The following PPM1E variants were observed in gnomAD, a reference collection of about 807,000 sequenced individuals.
The protein encoded by PPM1E is protein phosphatase 1E.
In PPM1E, 20 loss-of-function variants were observed where a neutral mutation model predicts 65.9. That is an observed-to-expected ratio of 0.30 (90% CI 0.21 to 0.44). PPM1E has a LOEUF of 0.44. Ranked by LOEUF, PPM1E falls within the 20% of genes least tolerant of loss-of-function variation. The pLI, the probability that PPM1E is intolerant of heterozygous loss-of-function variation, is 1.00. For synonymous variants in PPM1E, 352 were observed against 374.9 expected (o/e 0.94, Z 0.70); for missense variants, 713 against 953.1 (o/e 0.75, Z 3.32).
intron 1 of PPM1E, among the ~76,000 whole-genome samples, chr17:58,912,738 T>C (rs1588322): frequency 0.64 from 96,923 of 152,054 alleles, 31,284 homozygotes; most frequent in African/African-American, 0.71. Context: ...GCCAGGAGAA[T>C]GGACCATGTG....
chr17:58,788,532 G>A (rs556095589), intron 1 of PPM1E, among the ~76,000 whole-genome samples: 1 of 152,310 alleles, frequency 6.6e-6, no homozygotes, highest in African/African-American at 2.4e-5. Flanking sequence ...TTTATGAAAT[G>A]CCAATTCCCT....
intron 4 of PPM1E, among the ~76,000 whole-genome samples, chr17:58,971,786 TG>T (rs1449235804): frequency 4.6e-5 from 7 of 152,234 alleles, no homozygotes; most frequent in Non-Finnish European, 1.0e-4. Context: ...ATTTAGTGCT[TG>T]ACTGGGAGGA....
chr17:58,909,924 CTTTTT>C (rs35833275), intron 1 of PPM1E, among the ~76,000 whole-genome samples: 1 of 90,036 alleles, frequency 1.1e-5, no homozygotes, highest in Non-Finnish European at 2.1e-5. Flanking sequence ...TTTTCTTTTT[CTTTTT>C]TTTTTTTTTT....
At chr17:58,933,399 A>T (rs1205443904) in intron 1 of PPM1E, among the ~76,000 whole-genome samples, 1 of 152,222 alleles carries the variant, frequency 6.6e-6, no homozygotes, top group Non-Finnish European at 1.5e-5. Context: ...TAAAGCAAGA[A>T]ATCGGAAACA....
At position 58,926,993 on chromosome 17, in the gene PPM1E, T is replaced by C. The variant is rs547787291; in HGVS notation, c.465-28656T>C. 2.6e-5 allele frequency among the ~76,000 whole-genome samples: 4 copies of C among 152,282 alleles called. No individual in the cohort carries two copies. In the South Asian group the frequency reaches 8.3e-4, roughly 32 times the overall value. On this transcript the variant is annotated intron_variant, in intron 1 of 6. Coordinates refer to ENST00000308249, the MANE Select transcript of PPM1E (RefSeq NM_014906.5). ...CTAACATTGAATTCAGACTTTGTGT[T>C]ATTTTAACTCACAATTTATTTTTTT...
At chr17:58,930,005 C>T (rs73993820) in intron 1 of PPM1E, among the ~76,000 whole-genome samples, 283 of 152,258 alleles carry the variant, frequency 1.9e-3, no homozygotes, top group African/African-American at 6.6e-3. Context: ...CCTGCTATCT[C>T]TGTTTTGAAA....
chr17:58,927,399 G>A (rs1251300569), intron 1 of PPM1E, among the ~76,000 whole-genome samples: 1 of 151,682 alleles, frequency 6.6e-6, no homozygotes, highest in African/African-American at 2.4e-5. Context: ...CAAAGTGCTG[G>A]GATTACAGGC....
intron 1 of PPM1E, among the ~76,000 whole-genome samples, chr17:58,870,818 A>G (rs1371931242): frequency 2.0e-5 from 3 of 152,128 alleles, no homozygotes; most frequent in Non-Finnish European, 4.4e-5. Context: ...TTCAGGAGGA[A>G]TACTTGGTTT....
At chr17:58,778,402 C>CTTTTT in intron 1 of PPM1E, among the ~76,000 whole-genome samples, 1 of 86,058 alleles carries the variant, frequency 1.2e-5, no homozygotes, top group South Asian at 3.8e-4. Context: ...GGCTGGCCAT[C>CTTTTT]TTTTTTTTTT....
rs560462658 is a variant in PPM1E at position 58,755,863 on chromosome 17, C to T, written c.-135C>T. The T allele has an allele frequency of 4.9e-6, 7 of 1,435,576 alleles. No homozygotes were observed. Among genetic ancestry groups the T allele is most frequent in the Non-Finnish European group, 6.4e-6 (7 of 1,094,910 alleles). 88.9% of individuals were successfully genotyped at this position (1,435,576 alleles called of 1,614,324 possible). A position where few individuals can be genotyped will look rare whatever the true frequency, so the allele number is the denominator to read the frequency against. On this transcript the variant is annotated 5_prime_UTR_variant, in exon 1 of 7. Transcript: ENST00000308249. ...CACGCCTGCGGGAGCCCTCTCCAGG[C>T]AACCTAGTGCTGATCGCTCGTGCCG...
intron 1 of PPM1E, among the ~76,000 whole-genome samples, chr17:58,853,647 G>A (rs2050851747): frequency 1.3e-5 from 2 of 152,150 alleles, no homozygotes; most frequent in South Asian, 4.1e-4. Context: ...GGCCAACATG[G>A]TGAAATGCCA....
chr17:58,909,178 A>G (rs942625442), intron 1 of PPM1E, among the ~76,000 whole-genome samples: 1 of 151,962 alleles, frequency 6.6e-6, no homozygotes, highest in African/African-American at 2.4e-5. Flanking sequence ...AGGCAGGTCT[A>G]CTAGGAACAA....
chr17:58,970,372 C>A (rs1450786582), intron 4 of PPM1E, among the ~76,000 whole-genome samples: 1 of 152,074 alleles, frequency 6.6e-6, no homozygotes, highest in Non-Finnish European at 1.5e-5. Context: ...AATTATCGTT[C>A]TGGGTATTGG....
At chr17:58,890,549 G>C (rs2051332276) in intron 1 of PPM1E, among the ~76,000 whole-genome samples, 1 of 152,088 alleles carries the variant, frequency 6.6e-6, no homozygotes, top group Non-Finnish European at 1.5e-5. Context: ...TGACTTAGGG[G>C]TTACAAATAA....
intron 1 of PPM1E, among the ~76,000 whole-genome samples, chr17:58,817,831 A>C (rs978174936): frequency 6.6e-6 from 1 of 151,722 alleles, no homozygotes; most frequent in Non-Finnish European, 1.5e-5. Context: ...CGCTCACTGC[A>C]AGCTCCGCCT....
intron 1 of PPM1E, among the ~76,000 whole-genome samples, chr17:58,775,993 G>A (rs1265940358): frequency 6.7e-6 from 1 of 149,616 alleles, no homozygotes; most frequent in Non-Finnish European, 1.5e-5. Flanking sequence ...CCCATTTTTG[G>A]TGTTTGTGAT....
At chr17:58,899,467 G>T in intron 1 of PPM1E, 1 of 225,550 alleles carries the variant, frequency 4.4e-6, no homozygotes, top group Admixed American at 4.0e-5. Context: ...ATCCATGTGT[G>T]ATGAGCCTGT....
At chr17:58,892,333 G>T (rs2051358040) in intron 1 of PPM1E, among the ~76,000 whole-genome samples, 1 of 152,102 alleles carries the variant, frequency 6.6e-6, no homozygotes, top group Admixed American at 6.6e-5. Flanking sequence ...TAGCAATTTG[G>T]GAGGCTGAAG....
intron 1 of PPM1E, among the ~76,000 whole-genome samples, chr17:58,892,773 G>T (rs1048426544): frequency 1.4e-4 from 22 of 152,146 alleles, no homozygotes; most frequent in African/African-American, 5.3e-4. Context: ...ATTTAAACAT[G>T]GGCAAAAGAC....
Sources: allele counts gnomAD v4.1 joint callset (sites outside exome capture counted in the v4.1 genomes callset), GRCh38; gene constraint gnomAD v4.1.1; transcripts MANE v1.5; gene names NCBI Gene and HGNC (gene_info 2026-07-23, HGNC 2026-07-21).